The following CNTN3 variants were observed in gnomAD, a reference collection of about 807,000 sequenced individuals.
CNTN3 encodes the protein contactin 3, also known as contactin-3.
In CNTN3, 60 loss-of-function variants were observed where a neutral mutation model predicts 119.1. The ratio of observed to expected loss-of-function variants is 0.50; its 90% confidence interval spans 0.41 to 0.62. The LOEUF (loss-of-function observed/expected upper bound fraction) is 0.62. Among genes scored for constraint, CNTN3 ranks in the 20% least tolerant of loss-of-function variants. The probability of loss-of-function intolerance (pLI) is 0.00; values close to 1 mark genes in which losing one functional copy is unlikely to be tolerated. For synonymous variants in CNTN3, 450 were observed against 438.7 expected (o/e 1.03, Z -0.32); for missense variants, 1,101 against 1,242.4 (o/e 0.89, Z 1.71).
chr3:74,568,788 T>C (rs956114841), intron 1 of CNTN3, among the ~76,000 whole-genome samples: 7 of 152,200 alleles, frequency 4.6e-5, no homozygotes, highest in African/African-American at 1.7e-4. Flanking sequence ...CTCATTGTAT[T>C]ATAGAATGTG....
rs754321764 is a variant in CNTN3 at position 74,581,218 on chromosome 3, TA to T, written c.-81+33172del. 1.1e-4 allele frequency among the ~76,000 whole-genome samples: 16 copies of T among 151,958 alleles called. No homozygotes were observed. In the East Asian group the frequency reaches 2.7e-3, roughly 26 times the overall value. ...GTCACACATAATGGGACTGTGTATT[TA>T]AAAAAAACATAAAATCTATAAAAGA... On this transcript the variant is annotated intron_variant, in intron 1 of 22. Transcript: ENST00000263665.
At chr3:74,502,012 T>A (rs1703174961) in intron 2 of CNTN3, among the ~76,000 whole-genome samples, 1 of 152,156 alleles carries the variant, frequency 6.6e-6, no homozygotes, top group Admixed American at 6.6e-5. Flanking sequence ...CGAAAATATT[T>A]GTGATGTCTT....
intron 5 of CNTN3, among the ~76,000 whole-genome samples, chr3:74,381,061 T>C (rs567520545): frequency 1.6e-3 from 235 of 151,078 alleles, no homozygotes; most frequent in African/African-American, 5.1e-3. Context: ...TTGTTTTTTT[T>C]TTTCTCTCTC....
chr3:74,476,191 G>C (rs116704015), intron 4 of CNTN3, among the ~76,000 whole-genome samples: 4 of 152,236 alleles, frequency 2.6e-5, no homozygotes, highest in African/African-American at 7.2e-5. Context: ...CACAAAACAA[G>C]GTGAGGTATT....
chr3:74,464,643 A>G (rs1274206718), intron 4 of CNTN3, among the ~76,000 whole-genome samples: 1 of 152,196 alleles, frequency 6.6e-6, no homozygotes, highest in African/African-American at 2.4e-5. Context: ...CAGAAAAAAA[A>G]TCCATATTAT....
At chr3:74,279,618 A>G (rs565047044) in intron 20 of CNTN3, among the ~76,000 whole-genome samples, 52 of 143,608 alleles carry the variant, frequency 3.6e-4, no homozygotes, top group African/African-American at 1.2e-3. Context: ...GAATGATACA[A>G]TGGACTTTCG....
At chr3:74,357,010 G>A (rs958517722) in intron 11 of CNTN3, among the ~76,000 whole-genome samples, 4 of 152,000 alleles carry the variant, frequency 2.6e-5, no homozygotes, top group Admixed American at 6.5e-5. Context: ...TGCAAGCTCC[G>A]CCTCTCAGTT....
chr3:74,590,242 G>T (rs1704678592), intron 1 of CNTN3, among the ~76,000 whole-genome samples: 1 of 152,098 alleles, frequency 6.6e-6, no homozygotes, highest in East Asian at 1.9e-4. Flanking sequence ...GAGGATAGAG[G>T]CTTGAGCCAA....
chr3:74,467,111 A>AT (rs1702475626), intron 4 of CNTN3, among the ~76,000 whole-genome samples: 2 of 152,158 alleles, frequency 1.3e-5, no homozygotes, highest in South Asian at 4.2e-4. Flanking sequence ...TACAAATACA[A>AT]TTTTTTTCAA....
intron 1 of CNTN3, among the ~76,000 whole-genome samples, chr3:74,599,847 A>G (rs182460675): frequency 5.3e-5 from 8 of 152,222 alleles, no homozygotes; most frequent in African/African-American, 1.9e-4. Flanking sequence ...AATAGCAATA[A>G]GGCAAACATT....
intron 8 of CNTN3, among the ~76,000 whole-genome samples, chr3:74,368,823 G>C (rs1203540257): frequency 6.6e-6 from 1 of 150,764 alleles, no homozygotes; most frequent in African/African-American, 2.4e-5. Flanking sequence ...TTTCTCTTTA[G>C]TAGAGGTAAC....
chr3:74,575,559 A>G (rs986820753), intron 1 of CNTN3, among the ~76,000 whole-genome samples: 1 of 146,728 alleles, frequency 6.8e-6, no homozygotes, highest in East Asian at 2.1e-4. Flanking sequence ...TGATTAGATA[A>G]TTTTTGAGAT....
At chr3:74,377,922 C>T (rs2106803938) in intron 5 of CNTN3, among the ~76,000 whole-genome samples, 1 of 152,182 alleles carries the variant, frequency 6.6e-6, no homozygotes, top group East Asian at 1.9e-4. Flanking sequence ...ATCTGTAGTT[C>T]CATTGTAAAA....
At chr3:74,422,813 ATTTC>A (rs1219234846) in intron 5 of CNTN3, among the ~76,000 whole-genome samples, 7 of 152,160 alleles carry the variant, frequency 4.6e-5, no homozygotes, top group Non-Finnish European at 1.0e-4. Flanking sequence ...GCAATTATTT[ATTTC>A]TATCTAATAT....
At chr3:74,514,110 T>A (rs541493462) in intron 2 of CNTN3, among the ~76,000 whole-genome samples, 18 of 152,188 alleles carry the variant, frequency 1.2e-4, no homozygotes, top group African/African-American at 4.1e-4. Flanking sequence ...TGAGGAAAGA[T>A]GTCATATTCA....
chr3:74,455,609 T>C (rs1198735223), intron 4 of CNTN3, among the ~76,000 whole-genome samples: 1 of 152,058 alleles, frequency 6.6e-6, no homozygotes, highest in East Asian at 1.9e-4. Flanking sequence ...TTCTGCTCTG[T>C]TTTTTCCCCA....
intron 1 of CNTN3, among the ~76,000 whole-genome samples, chr3:74,571,108 G>T (rs1293042618): frequency 1.3e-5 from 2 of 152,180 alleles, no homozygotes; most frequent in African/African-American, 4.8e-5. Context: ...ACATATATCT[G>T]TATATTTGTA....
chr3:74,474,415 C>T (rs1215969551), intron 4 of CNTN3, among the ~76,000 whole-genome samples: 1 of 152,096 alleles, frequency 6.6e-6, no homozygotes, highest in Non-Finnish European at 1.5e-5. Flanking sequence ...CACTGGAGTT[C>T]AGGGCAGAGG....
chr3:74,519,544 T>C (rs530735343), intron 2 of CNTN3, among the ~76,000 whole-genome samples: 1 of 151,884 alleles, frequency 6.6e-6, no homozygotes, highest in East Asian at 1.9e-4. Flanking sequence ...TTTCTGTGAA[T>C]GTCTCCTCAA....
Sources: gnomAD v4.1 joint callset for allele counts (sites outside exome capture counted in the v4.1 genomes callset) on GRCh38, gnomAD v4.1.1 for gene constraint, MANE v1.5 for transcripts, NCBI Gene and HGNC (gene_info 2026-07-23, HGNC 2026-07-21) for gene names.